The following ALG8 variants were observed in gnomAD, a reference collection of about 807,000 sequenced individuals.
ALG8 encodes the protein ALG8 alpha-1,3-glucosyltransferase.
In ALG8, 48 loss-of-function variants were observed where a neutral mutation model predicts 70.2. That is an observed-to-expected ratio of 0.68 (90% CI 0.54 to 0.87). The LOEUF (loss-of-function observed/expected upper bound fraction) is 0.87, where lower values mean the gene tolerates loss of function less well. Ranked by LOEUF, ALG8 falls within the 40% of genes least tolerant of loss-of-function variation. The pLI is 0.00. For missense variants in ALG8, 572 were observed against 608.7 expected, an observed-to-expected ratio of 0.94 and a Z score of 0.64; for synonymous variants, 234 against 229.0, an observed-to-expected ratio of 1.02 and a Z score of -0.20.
chr11:78,101,790 G>A (rs1007190065), intron 12 of ALG8, among the ~76,000 whole-genome samples: 5 of 152,140 alleles, frequency 3.3e-5, no homozygotes, highest in Admixed American at 3.3e-4. Context: ...AAGGGGTTGG[G>A]TGCTGTGACA....
At chr11:78,122,146 C>A (rs112129299) in intron 3 of ALG8, among the ~76,000 whole-genome samples, 1,931 of 152,042 alleles carry the variant, frequency 0.013, 44 homozygotes, top group African/African-American at 0.044. Flanking sequence ...TGAAGAGTGG[C>A]AAATTTTAAC....
At chr11:78,133,675 C>T (rs111795904) in intron 1 of ALG8, among the ~76,000 whole-genome samples, 1,886 of 152,120 alleles carry the variant, frequency 0.012, 43 homozygotes, top group African/African-American at 0.042. Context: ...CCGAGGCGGG[C>T]GGATCACGAG....
rs1460438666 is a variant in ALG8 at position 78,124,037 on chromosome 11, C to T, written c.352G>A (p.Val118Met). 1.9e-6 allele frequency: 3 copies of T among 1,613,940 alleles called. No homozygotes were observed. The highest frequency in any genetic ancestry group is 2.7e-5 in the African/African-American group (2 of 74,880). ...FSVIFMDVLF[V>M]YAVRECCKCI... Reference sequence around the variant, plus strand: ...CAGACTTACTCACGGACAGCATACACAAAGAGTACATCCATAAAGATGACG... The same window carrying T: ...CAGACTTACTCACGGACAGCATACATAAAGAGTACATCCATAAAGATGACG... The change falls in exon 3 of 13, where the codon GTG becomes ATG. Residue 118 changes from valine (V) to methionine (M), a missense_variant. Coordinates refer to ENST00000299626, the MANE Select transcript of ALG8 (RefSeq NM_024079.5).
intron 1 of ALG8, among the ~76,000 whole-genome samples, chr11:78,127,712 C>CTTTTTTTTTTTTTTTT (rs1192507872): frequency 9.8e-5 from 13 of 132,910 alleles, no homozygotes; most frequent in East Asian, 2.1e-4. Flanking sequence ...TTTTTCTTTT[C>CTTTTTTTTTTTTTTTT]TTTTTTTTTT....
intron 3 of ALG8, among the ~76,000 whole-genome samples, chr11:78,123,106 G>C (rs1355145260): frequency 1.3e-5 from 2 of 152,030 alleles, no homozygotes; most frequent in Admixed American, 6.6e-5. Flanking sequence ...AGGAGTTCAA[G>C]ACCAGCCTGG....
chr11:78,117,919 A>C (rs533699735), intron 5 of ALG8, among the ~76,000 whole-genome samples: 61 of 151,896 alleles, frequency 4.0e-4, no homozygotes, highest in African/African-American at 1.5e-3. Context: ...AAAATACAAA[A>C]AATTAGCCGG....
intron 5 of ALG8, 96 bp downstream of exon 5, chr11:78,119,086 G>T: frequency 1.1e-6 from 1 of 935,096 alleles, no homozygotes; most frequent in Non-Finnish European, 1.7e-6. Flanking sequence ...GCTCAAAACA[G>T]TCAAATAAAT....
chr11:78,123,173 G>A (rs1344668917), intron 3 of ALG8, among the ~76,000 whole-genome samples: 2 of 152,010 alleles, frequency 1.3e-5, no homozygotes, highest in African/African-American at 4.8e-5. Context: ...TGCCATGGTG[G>A]TGTGCACCTG....
intron 10 of ALG8, among the ~76,000 whole-genome samples, chr11:78,104,921 G>A (rs1014930858): frequency 3.3e-5 from 5 of 150,164 alleles, no homozygotes; most frequent in Non-Finnish European, 4.4e-5. Context: ...CCGAGATCGC[G>A]CCACTGCACT....
At chr11:78,114,730 C>A (rs1386860640) in intron 5 of ALG8, 2 of 445,672 alleles carry the variant, frequency 4.5e-6, no homozygotes, top group African/African-American at 4.0e-5. Flanking sequence ...CTTTGGTAAG[C>A]CGACGTGGAA....
In ALG8 at chr11:78,130,881, CTCTTA is replaced by C. The variant is rs374362878; in HGVS notation, c.96-3450_96-3446del. Among the ~76,000 whole-genome samples the C allele has an allele frequency of 6.9e-3, 1,055 of 151,956 alleles. 8 individuals carry two copies. The highest frequency in any genetic ancestry group is 0.025 in the African/African-American group (1,018 of 41,452). ...ATTGAACTTATAATTTTTATCTTTT[CTCTTA>C]TATTTTTGAAAGATTTACTCAATTT... On this transcript the variant is annotated intron_variant, in intron 1 of 12. Transcript: ENST00000299626.
intron 5 of ALG8, 23 bp downstream of exon 5, chr11:78,119,159 T>G: frequency 6.4e-7 from 1 of 1,565,844 alleles, no homozygotes; most frequent in Non-Finnish European, 8.8e-7. Context: ...AGGGAAAAAA[T>G]CTAATTAAAC....
chr11:78,139,145 C>T (rs1433235841), intron 1 of ALG8: 2 of 380,460 alleles, frequency 5.3e-6, no homozygotes, highest in Non-Finnish European at 9.9e-6. Context: ...TTGCTCACCA[C>T]CGCATCTCCC....
rs1860707276 is a variant in ALG8, at chr11:78,119,086, G to C, written c.546+96C>G. On this transcript the variant is annotated intron_variant, in intron 5 of 12. Coordinates refer to ENST00000299626, the MANE Select transcript of ALG8 (RefSeq NM_024079.5). ...CTATCGCACTTGGCAGCTCAAAACAGTCAAATAAATTTACCTATCACCCAC... is the reference window on the plus strand; with the variant it reads ...CTATCGCACTTGGCAGCTCAAAACACTCAAATAAATTTACCTATCACCCAC... 5 of 935,098 alleles carry C rather than the reference G, an allele frequency of 5.3e-6. No individual in the cohort carries two copies. In the South Asian group the frequency reaches 7.1e-5, roughly 13 times the overall value. The allele number at this position is 935,098 out of a possible 1,614,324, so 57.9% of individuals were successfully genotyped here. A position where few individuals can be genotyped will look rare whatever the true frequency, so the allele number is the denominator to read the frequency against.
intron 1 of ALG8, among the ~76,000 whole-genome samples, chr11:78,131,665 T>C (rs1861314746): frequency 1.3e-5 from 2 of 152,202 alleles, no homozygotes; most frequent in South Asian, 2.1e-4. Flanking sequence ...GGGGTTTCAT[T>C]ATGTTGCCCA....
chr11:78,104,340 A>C lies in ALG8; in HGVS notation c.1276+16T>G. On this transcript the variant is annotated intron_variant, in intron 11 of 12. Coordinates refer to ENST00000299626, the MANE Select transcript of ALG8 (RefSeq NM_024079.5). ...TGTGATAGTCAAATATATTTTTCTC[A>C]GAAGACGCTGTTTACCTGGTGCAGT... 6.4e-7 allele frequency: 1 copy of C among 1,557,304 alleles called. No homozygotes were observed. The highest frequency in any genetic ancestry group is 8.7e-7 in the Non-Finnish European group (1 of 1,152,158).
In ALG8 at chr11:78,109,486, C is replaced by A; in HGVS notation, c.994G>T (p.Val332Leu). 1 of 1,614,110 alleles carries A rather than the reference C, an allele frequency of 6.2e-7. No individual in the cohort carries two copies. The highest frequency in any genetic ancestry group is 1.6e-4 in the Middle Eastern group (1 of 6,062). Residue 332 changes from valine (V) to leucine (L), a missense_variant, in exon 9 of 13, where the codon GTG becomes TTG. Transcript: ENST00000299626. ...CAGATGAGGGTTGCCAAGGGAGTCA[C>A]TGAGGGAAGGACTGTGTGTTGGAAC... is the stretch of plus-strand genomic sequence containing the variant. ...QQFQHTVLPS[V>L]TPLATLICTL...
chr11:78,127,371 T>C lies in ALG8; in HGVS notation c.161A>G (p.Gln54Arg), dbSNP rs1238988195. The C allele has an allele frequency of 2.5e-6, 4 of 1,613,114 alleles. No individual in the cohort carries two copies. The highest frequency in any genetic ancestry group is 3.4e-6 in the Non-Finnish European group (4 of 1,179,382). The change falls in exon 2 of 13, where the codon CAG becomes CGG. Residue 54 changes from glutamine (Q) to arginine (R), a missense_variant. Coordinates refer to ENST00000299626, the MANE Select transcript of ALG8 (RefSeq NM_024079.5). ...LAITHSLPIS[Q>R]WYYEATSEWT... The stretch of plus-strand genomic sequence containing the variant: ...ATTAAAACTTACCTCATAATACCAC[T>C]GTGATATTGGCAAACTGTGAGTGAT...
chr11:78,109,756 T>C (rs1860198511), intron 8 of ALG8, among the ~76,000 whole-genome samples, 175 bp from the exon 9 acceptor site: 1 of 152,182 alleles, frequency 6.6e-6, no homozygotes, highest in African/African-American at 2.4e-5. Context: ...CCTCTGGTCT[T>C]AAGATTATAA....
Sources: allele counts gnomAD v4.1 joint callset (sites outside exome capture counted in the v4.1 genomes callset), GRCh38; gene constraint gnomAD v4.1.1; transcripts MANE v1.5; gene names NCBI Gene and HGNC (gene_info 2026-07-23, HGNC 2026-07-21).